The following PAPSS1 variants were observed in gnomAD, a reference collection of about 807,000 sequenced individuals.
PAPSS1 encodes bifunctional 3'-phosphoadenosine 5'-phosphosulfate synthase 1.
PAPSS1 carries 50 observed loss-of-function variants against 72.0 expected under a neutral mutation model. That is an observed-to-expected ratio of 0.69 (90% CI 0.55 to 0.88). PAPSS1 has a LOEUF of 0.88. PAPSS1 is among the 40% of genes least tolerant of loss of function. PAPSS1 has a pLI of 0.00. For synonymous variants in PAPSS1, 261 were observed against 263.6 expected (o/e 0.99, Z 0.09); for missense variants, 657 against 782.2 (o/e 0.84, Z 1.91).
chr4:107,655,070 T>C (rs1261443077), intron 7 of PAPSS1, among the ~76,000 whole-genome samples, 170 bp from the exon 8 acceptor site: 1 of 119,028 alleles, frequency 8.4e-6, no homozygotes, highest in African/African-American at 3.2e-5. Flanking sequence ...GAACAAGCTA[T>C]AAGGTCAGGG....
intron 10 of PAPSS1, among the ~76,000 whole-genome samples, chr4:107,639,917 A>G (rs1385129546): frequency 6.6e-6 from 1 of 152,218 alleles, no homozygotes; most frequent in Non-Finnish European, 1.5e-5. Flanking sequence ...GCTTACACAG[A>G]ATCAGTTTCT....
chr4:107,696,757 AGAG>A (rs985642828), intron 2 of PAPSS1, among the ~76,000 whole-genome samples: 1 of 152,164 alleles, frequency 6.6e-6, no homozygotes, highest in African/African-American at 2.4e-5. Context: ...AAAAAAAAGA[AGAG>A]GAGGATATGT....
chr4:107,693,667 G>C (rs1272715419), intron 3 of PAPSS1, 104 bp downstream of exon 3: 20 of 741,452 alleles, frequency 2.7e-5, no homozygotes, highest in Middle Eastern at 3.4e-4. Flanking sequence ...GGGAGGAGTA[G>C]AGTTAGCCTC....
intron 11 of PAPSS1, among the ~76,000 whole-genome samples, chr4:107,625,159 G>A (rs966156236): frequency 1.3e-5 from 2 of 152,228 alleles, no homozygotes; most frequent in Non-Finnish European, 1.5e-5. Flanking sequence ...AAAGAAGCAA[G>A]AAATCTAAGT....
chr4:107,614,042 T>C lies in PAPSS1; in HGVS notation c.*207A>G. 2 of 397,906 alleles carry C rather than the reference T, an allele frequency of 5.0e-6. No homozygotes were observed. Among genetic ancestry groups the C allele is most frequent in the East Asian group, 3.8e-5 (1 of 26,452 alleles). 24.6% of individuals were successfully genotyped at this position (397,906 alleles called of 1,614,324 possible). On this transcript the variant is annotated 3_prime_UTR_variant, in exon 12 of 12. Transcript: ENST00000265174. ...ATTGTAGGAATATAACTATAATAAG[T>C]GGAAAAGATACATTAAAACCATCAG...
chr4:107,628,122 C>T (rs190533859), intron 11 of PAPSS1, among the ~76,000 whole-genome samples: 46 of 152,264 alleles, frequency 3.0e-4, no homozygotes, highest in African/African-American at 1.0e-3. Context: ...AGTCCTTTTA[C>T]ACTTGCCTTT....
intron 10 of PAPSS1, among the ~76,000 whole-genome samples, 172 bp downstream of exon 10, chr4:107,644,630 G>A (rs567503240): frequency 1.3e-5 from 2 of 152,298 alleles, no homozygotes; most frequent in East Asian, 3.9e-4. Flanking sequence ...CTTTCTCAAG[G>A]CTGCCCCTAG....
chr4:107,695,478 T>G (rs930495693), intron 2 of PAPSS1, among the ~76,000 whole-genome samples: 1 of 152,196 alleles, frequency 6.6e-6, no homozygotes, highest in Non-Finnish European at 1.5e-5. Context: ...TGAACACCCT[T>G]TATTTCTTTT....
intron 2 of PAPSS1, among the ~76,000 whole-genome samples, chr4:107,694,849 G>A (rs1200823044): frequency 6.6e-6 from 1 of 152,126 alleles, no homozygotes; most frequent in East Asian, 1.9e-4. Flanking sequence ...AACTTGGCGA[G>A]TGTCATAACC....
intron 11 of PAPSS1, among the ~76,000 whole-genome samples, chr4:107,625,135 T>C (rs1045670587): frequency 6.6e-6 from 1 of 152,180 alleles, no homozygotes; most frequent in African/African-American, 2.4e-5. Flanking sequence ...AAGAAATAAA[T>C]TTAGAAAGAA....
chr4:107,618,699 T>C (rs894575291), intron 11 of PAPSS1, among the ~76,000 whole-genome samples: 3 of 152,054 alleles, frequency 2.0e-5, no homozygotes, highest in Non-Finnish European at 1.5e-5. Flanking sequence ...CTTCTGAGGG[T>C]GTGGAGAATC....
intron 11 of PAPSS1, among the ~76,000 whole-genome samples, chr4:107,618,047 A>G (rs1344707640): frequency 6.6e-5 from 10 of 152,216 alleles, no homozygotes; most frequent in Admixed American, 6.5e-4. Flanking sequence ...GGAGTTAGAA[A>G]CAATTTGTAA....
intron 1 of PAPSS1, among the ~76,000 whole-genome samples, chr4:107,710,663 T>C (rs559385368): frequency 6.6e-6 from 1 of 152,168 alleles, no homozygotes; most frequent in East Asian, 1.9e-4. Context: ...CTTGACTGCT[T>C]AGTCCAGCAG....
intron 11 of PAPSS1, among the ~76,000 whole-genome samples, chr4:107,617,057 T>C (rs923366452): frequency 2.0e-5 from 3 of 152,116 alleles, no homozygotes; most frequent in Non-Finnish European, 4.4e-5. Flanking sequence ...GGCTATCCAC[T>C]CACTAGGGTG....
chr4:107,657,907 G>T (rs892122762), intron 6 of PAPSS1, among the ~76,000 whole-genome samples: 1 of 152,086 alleles, frequency 6.6e-6, no homozygotes, highest in Non-Finnish European at 1.5e-5. Context: ...CATTTTATCT[G>T]ACAGTTTGGT....
Position 107,624,164 on chromosome 4 carries a change from T to G in PAPSS1, c.1736+7467A>C, listed in dbSNP as rs1008826251. ...CTATGATCCTTCTCACCCAAGACCT[T>G]GACATGCACAGATCCTTTTGTCCAG... is the stretch of plus-strand genomic sequence containing the variant. On this transcript the variant is annotated intron_variant, in intron 11 of 11. Coordinates refer to ENST00000265174, the MANE Select transcript of PAPSS1 (RefSeq NM_005443.5). Among the ~76,000 whole-genome samples, 3 of 152,208 alleles carry G rather than the reference T, an allele frequency of 2.0e-5. No individual in the cohort carries two copies. In the East Asian group the frequency reaches 5.8e-4, roughly 29 times the overall value.
At chr4:107,675,568 G>C (rs891210309) in intron 5 of PAPSS1, among the ~76,000 whole-genome samples, 1 of 152,142 alleles carries the variant, frequency 6.6e-6, no homozygotes, top group African/African-American at 2.4e-5. Context: ...AAAAAGTCCA[G>C]GACCAGATGG....
intron 1 of PAPSS1, among the ~76,000 whole-genome samples, chr4:107,708,988 AGTT>A (rs1031863930): frequency 2.6e-5 from 4 of 152,162 alleles, no homozygotes; most frequent in Non-Finnish European, 5.9e-5. Context: ...TAACCAATCC[AGTT>A]GTTTCTGGAC....
chr4:107,621,811 G>A (rs911428087), intron 11 of PAPSS1, among the ~76,000 whole-genome samples: 1 of 150,432 alleles, frequency 6.6e-6, no homozygotes, highest in Non-Finnish European at 1.5e-5. Flanking sequence ...TTTTTTTTTA[G>A]TAGAGACGGG....
Sources: allele counts gnomAD v4.1 joint callset (sites outside exome capture counted in the v4.1 genomes callset), GRCh38; gene constraint gnomAD v4.1.1; transcripts MANE v1.5; gene names NCBI Gene and HGNC (gene_info 2026-07-23, HGNC 2026-07-21).